STXBP5L: variants seen among roughly 807,000 people sequenced by gnomAD.
The protein encoded by STXBP5L is syntaxin binding protein 5L, also known as syntaxin-binding protein 5-like.
STXBP5L carries 65 observed loss-of-function variants against 144.5 expected under a neutral mutation model. The ratio of observed to expected loss-of-function variants is 0.45; its 90% confidence interval spans 0.37 to 0.55. The LOEUF is 0.55. STXBP5L is among the 20% of genes least tolerant of loss of function. The pLI is 0.00. For missense variants in STXBP5L, 1,298 were observed against 1,405.5 expected (o/e 0.92, Z 1.22); for synonymous variants, 505 against 469.6 (o/e 1.08, Z -0.97).
chr3:121,312,650 G>T (rs533877461), intron 19 of STXBP5L, among the ~76,000 whole-genome samples: 1 of 150,836 alleles, frequency 6.6e-6, no homozygotes, highest in Non-Finnish European at 1.5e-5. Context: ...AGATTAGGGA[G>T]TGGTGATGAC....
chr3:121,252,797 C>T (rs2050069002), intron 15 of STXBP5L, among the ~76,000 whole-genome samples: 2 of 152,284 alleles, frequency 1.3e-5, no homozygotes, highest in South Asian at 4.1e-4. Context: ...ATTATACCTT[C>T]GCTGGGTCCT....
chr3:121,296,093 T>C (rs900495808), intron 19 of STXBP5L, among the ~76,000 whole-genome samples: 1 of 152,210 alleles, frequency 6.6e-6, no homozygotes, highest in Admixed American at 6.5e-5. Context: ...AAAAGTTCTG[T>C]ATCTGTTCCA....
intron 8 of STXBP5L, among the ~76,000 whole-genome samples, chr3:121,153,541 C>T (rs1355670605): frequency 6.6e-6 from 1 of 151,878 alleles, no homozygotes; most frequent in Non-Finnish European, 1.5e-5. Flanking sequence ...CTTATTTTAT[C>T]ATTGGAGGGA....
rs1385389416 is a variant in STXBP5L, at chr3:121,222,605, A to G, written c.957-398A>G. On this transcript the variant is annotated intron_variant, in intron 10 of 26. Coordinates refer to ENST00000471454, the MANE Select transcript of STXBP5L (RefSeq NM_001308330.2). ...GTCTCTTTTCTCTTGTACAGATTTT[A>G]GGCCCCATAGGCCAGCTAATTAATC... Among the ~76,000 whole-genome samples the G allele has an allele frequency of 1.2e-4, 19 of 152,090 alleles. 1 individual carries two copies. In the South Asian group the frequency reaches 3.7e-3, roughly 30 times the overall value.
chr3:121,108,913 G>C (rs2043843291), intron 5 of STXBP5L, among the ~76,000 whole-genome samples: 1 of 151,934 alleles, frequency 6.6e-6, no homozygotes. Flanking sequence ...TCTATTCAGG[G>C]GTTTAACTTC....
At chr3:121,166,794 GACTT>G (rs1337404102) in intron 9 of STXBP5L, among the ~76,000 whole-genome samples, 2 of 152,056 alleles carry the variant, frequency 1.3e-5, no homozygotes, top group African/African-American at 2.4e-5. Context: ...TTGCTTCTCT[GACTT>G]ACTTAGAGAT....
intron 20 of STXBP5L, among the ~76,000 whole-genome samples, chr3:121,378,197 A>G (rs1263384516): frequency 6.6e-6 from 1 of 152,116 alleles, no homozygotes; most frequent in Non-Finnish European, 1.5e-5. Flanking sequence ...GAGGGAGAGT[A>G]TTAGGACAAA....
At chr3:121,237,097 T>G (rs1409610894) in intron 12 of STXBP5L, among the ~76,000 whole-genome samples, 1 of 152,174 alleles carries the variant, frequency 6.6e-6, no homozygotes, top group Admixed American at 6.5e-5. Flanking sequence ...TATGTTGGAG[T>G]TGAATGCCTG....
intron 5 of STXBP5L, among the ~76,000 whole-genome samples, chr3:121,076,585 G>T (rs546628484): frequency 6.6e-6 from 1 of 152,062 alleles, no homozygotes; most frequent in East Asian, 2.0e-4. Flanking sequence ...ACTGATCCAG[G>T]TGCCCAGGCT....
chr3:121,171,463 G>A (rs771508841), intron 9 of STXBP5L, among the ~76,000 whole-genome samples: 6 of 152,198 alleles, frequency 3.9e-5, no homozygotes, highest in South Asian at 2.1e-4. Context: ...AAACCCCATC[G>A]TCTCAGCCCA....
chr3:120,952,446 G>T (rs1341883696), intron 2 of STXBP5L, among the ~76,000 whole-genome samples: 1 of 151,514 alleles, frequency 6.6e-6, no homozygotes, highest in Non-Finnish European at 1.5e-5. Context: ...ATTATAAATG[G>T]GGTTCTTTAT....
intron 2 of STXBP5L, among the ~76,000 whole-genome samples, chr3:120,921,011 C>G (rs487657): frequency 0.53 from 80,210 of 151,546 alleles, 21,763 homozygotes; most frequent in African/African-American, 0.62. Flanking sequence ...CCGAGTAGTG[C>G]AATTGCTGGT....
At chr3:121,204,949 A>T (rs2048281617) in intron 9 of STXBP5L, among the ~76,000 whole-genome samples, 1 of 152,200 alleles carries the variant, frequency 6.6e-6, no homozygotes, top group Non-Finnish European at 1.5e-5. Flanking sequence ...GTTTTATGCA[A>T]AATGAATACA....
chr3:121,048,717 G>T (rs1338110891), intron 5 of STXBP5L, among the ~76,000 whole-genome samples: 2 of 141,650 alleles, frequency 1.4e-5, no homozygotes, highest in Non-Finnish European at 1.5e-5. Flanking sequence ...ACAGAGTCTT[G>T]CTCTATTGCC....
At chr3:121,360,568 C>A (rs531651784) in intron 20 of STXBP5L, among the ~76,000 whole-genome samples, 38 of 151,834 alleles carry the variant, frequency 2.5e-4, no homozygotes, top group African/African-American at 9.2e-4. Flanking sequence ...TCATTGTATG[C>A]TTTTTGGTTT....
At chr3:121,297,293 A>G (rs1329061152) in intron 19 of STXBP5L, among the ~76,000 whole-genome samples, 1 of 151,358 alleles carries the variant, frequency 6.6e-6, no homozygotes, top group Non-Finnish European at 1.5e-5. Flanking sequence ...TTTAGTTTTT[A>G]CTACTGTTGT....
At chr3:121,358,190 C>A (rs575708791) in intron 20 of STXBP5L, among the ~76,000 whole-genome samples, 1 of 152,078 alleles carries the variant, frequency 6.6e-6, no homozygotes, top group Non-Finnish European at 1.5e-5. Context: ...ATTGTTCTGT[C>A]AAATAGTAGG....
At chr3:121,233,789 G>GCAATTCT (rs2049383013) in intron 12 of STXBP5L, 101 bp downstream of exon 12, 1 of 905,454 alleles carries the variant, frequency 1.1e-6, no homozygotes. Context: ...TGTGAATATT[G>GCAATTCT]GTTTGCTAGA....
chr3:120,957,723 A>G (rs1255407875), intron 3 of STXBP5L, among the ~76,000 whole-genome samples: 4 of 152,196 alleles, frequency 2.6e-5, no homozygotes, highest in East Asian at 1.9e-4. Flanking sequence ...GAACAAAGAT[A>G]CAACATACCA....
Sources: allele counts gnomAD v4.1 joint callset (sites outside exome capture counted in the v4.1 genomes callset), GRCh38; gene constraint gnomAD v4.1.1; transcripts MANE v1.5; gene names NCBI Gene and HGNC (gene_info 2026-07-23, HGNC 2026-07-21).